Variants in DENND2C observed in about 807,000 individuals in gnomAD.
DENND2C encodes DENN domain-containing protein 2C.
DENND2C carries 72 observed loss-of-function variants against 112.4 expected under a neutral mutation model. That is an observed-to-expected ratio of 0.64 (90% confidence interval 0.53 to 0.78). The LOEUF (loss-of-function observed/expected upper bound fraction) is 0.78, where lower values mean the gene tolerates loss of function less well. DENND2C is among the 30% of genes least tolerant of loss of function. DENND2C has a pLI of 0.00. For missense variants in DENND2C, 992 were observed against 1,113.8 expected, an observed-to-expected ratio of 0.89 and a Z score of 1.56; for synonymous variants, 329 against 381.6, an observed-to-expected ratio of 0.86 and a Z score of 1.61.
chr1:114,601,572 C>T lies in DENND2C; in HGVS notation c.1751G>A (p.Gly584Glu). 3.8e-6 allele frequency: 6 copies of T among 1,594,060 alleles called. No homozygotes were observed. The highest frequency in any genetic ancestry group is 1.1e-5 in the South Asian group (1 of 90,498). ...YCKKLLPVGK[G>E]KRLPEVYCMV... ...GCAGTATACCTCAGGGAGTCGCTTT[C>T]CTTTGCCTACTGGCTAAAAGATAAA... The change falls in exon 13 of 21, where the codon GGA (glycine) becomes GAA (glutamate). Residue 584 changes from glycine to glutamate, a missense_variant. By Grantham distance (98) the Gly-to-Glu change is moderately conservative. Around this residue, in one of 3 missense-constraint regions of DENND2C, gnomAD observed 516 missense variants for 623.6 expected, o/e 0.83. Transcript: ENST00000393274.
At chr1:114,617,015 T>G (rs748424887) in intron 8 of DENND2C, among the ~76,000 whole-genome samples, 1 of 152,116 alleles carries the variant, frequency 6.6e-6, no homozygotes, top group Non-Finnish European at 1.5e-5. Flanking sequence ...CAGAAACCCC[T>G]GATAAACCCA....
At chr1:114,588,842 A>T (rs1022186479) in intron 18 of DENND2C, among the ~76,000 whole-genome samples, 1 of 151,962 alleles carries the variant, frequency 6.6e-6, no homozygotes, top group African/African-American at 2.4e-5. Flanking sequence ...CAATTCTCCC[A>T]CCTCAGCATT....
chr1:114,647,174 AGAG>A (rs1224643561), intron 2 of DENND2C, among the ~76,000 whole-genome samples: 2,091 of 114,964 alleles, frequency 0.018, 41 homozygotes, highest in African/African-American at 0.057. Context: ...AAAAAAAAAG[AGAG>A]AGAGAGAGAG....
At chr1:114,650,670 T>C (rs2101689017) in intron 2 of DENND2C, among the ~76,000 whole-genome samples, 2 of 68,878 alleles carry the variant, frequency 2.9e-5, no homozygotes, top group South Asian at 6.2e-4. Flanking sequence ...CGAGACTCCG[T>C]CTCAAAAAAA....
chr1:114,589,175 C>T (rs774175737), intron 18 of DENND2C, among the ~76,000 whole-genome samples: 4 of 152,086 alleles, frequency 2.6e-5, no homozygotes, highest in Non-Finnish European at 5.9e-5. Flanking sequence ...ACTTCAGATT[C>T]GACTTACACT....
chr1:114,591,881 T>TTTATTATTA (rs568111224), intron 18 of DENND2C, among the ~76,000 whole-genome samples: 8 of 145,590 alleles, frequency 5.5e-5, no homozygotes, highest in African/African-American at 2.0e-4. Context: ...TATTATTATT[T>TTTATTATTA]TTATTATTAT....
At chr1:114,668,606 C>A (rs1490906714) in intron 1 of DENND2C, among the ~76,000 whole-genome samples, 1 of 151,194 alleles carries the variant, frequency 6.6e-6, no homozygotes, top group African/African-American at 2.4e-5. Flanking sequence ...CTGGTTTCTG[C>A]CTGGCAAACT....
chr1:114,617,549 C>T (rs1231140181), intron 8 of DENND2C, among the ~76,000 whole-genome samples: 1 of 152,088 alleles, frequency 6.6e-6, no homozygotes, highest in Non-Finnish European at 1.5e-5. Flanking sequence ...ACCTTGTGAT[C>T]TGCCTGCCTC....
At chr1:114,605,139 T>C in intron 10 of DENND2C, 108 bp from the exon 11 acceptor site, 2 of 700,036 alleles carry the variant, frequency 2.9e-6, no homozygotes, top group Non-Finnish European at 4.7e-6. Context: ...TAAGCCTGAG[T>C]AGTTGCTGAT....
rs369027608 is a variant in DENND2C, at chr1:114,597,215, G to A, written c.2284-1342C>T. 1.1e-3 allele frequency among the ~76,000 whole-genome samples: 162 copies of A among 150,888 alleles called. 1 individual carries two copies. The highest frequency in any genetic ancestry group is 3.6e-3 in the African/African-American group (146 of 41,046). ...TCCCAGCACTTTGGGAGGCTGAGGC[G>A]GGCGGATCACCTGGGATCAGGAGTT... On this transcript the variant is annotated intron_variant, in intron 16 of 20. Coordinates refer to ENST00000393274, the MANE Select transcript of DENND2C (RefSeq NM_001256404.2).
At chr1:114,640,730 T>C (rs1656814369) in intron 3 of DENND2C, among the ~76,000 whole-genome samples, 1 of 152,214 alleles carries the variant, frequency 6.6e-6, no homozygotes. Flanking sequence ...CCGAAGGCTT[T>C]TACACATCAA....
chr1:114,629,427 A>G (rs1470178011), intron 3 of DENND2C, among the ~76,000 whole-genome samples: 3 of 152,212 alleles, frequency 2.0e-5, no homozygotes, highest in Non-Finnish European at 2.9e-5. Flanking sequence ...ACAGGTGCCC[A>G]TCACCACACC....
chr1:114,605,483 A>G (rs370139753), intron 10 of DENND2C, among the ~76,000 whole-genome samples: 2 of 152,340 alleles, frequency 1.3e-5, no homozygotes, highest in South Asian at 4.1e-4. Flanking sequence ...AGAAGCTTTG[A>G]AATGGTAGAT....
intron 2 of DENND2C, among the ~76,000 whole-genome samples, chr1:114,650,380 T>C (rs1657120421): frequency 6.6e-6 from 1 of 151,034 alleles, no homozygotes; most frequent in Non-Finnish European, 1.5e-5. Flanking sequence ...AATTTCAGAC[T>C]ATGGCTGGGT....
chr1:114,628,169 T>C (rs2101669791), intron 3 of DENND2C, among the ~76,000 whole-genome samples: 1 of 151,314 alleles, frequency 6.6e-6, no homozygotes, highest in Non-Finnish European at 1.5e-5. Context: ...TAAATAAAAT[T>C]AGCTGTGCAT....
chr1:114,658,898 G>C (rs1657406474), intron 1 of DENND2C, among the ~76,000 whole-genome samples: 1 of 151,964 alleles, frequency 6.6e-6, no homozygotes, highest in Non-Finnish European at 1.5e-5. Flanking sequence ...TTTAAATGAT[G>C]ATAAGCAATG....
At chr1:114,608,264 A>T (rs222501) in intron 10 of DENND2C, among the ~76,000 whole-genome samples, 1 of 151,438 alleles carries the variant, frequency 6.6e-6, no homozygotes, top group Non-Finnish European at 1.5e-5. Flanking sequence ...GCAAGACTCC[A>T]TCTAAAAAAA....
intron 3 of DENND2C, among the ~76,000 whole-genome samples, chr1:114,626,861 A>G (rs1271608541): frequency 6.6e-6 from 1 of 152,052 alleles, no homozygotes; most frequent in Admixed American, 6.6e-5. Context: ...AGGAGCATAT[A>G]TATACACAGA....
At chr1:114,649,270 T>G (rs1455048999) in intron 2 of DENND2C, among the ~76,000 whole-genome samples, 2 of 152,172 alleles carry the variant, frequency 1.3e-5, no homozygotes, top group Admixed American at 1.3e-4. Context: ...CACTTAATTA[T>G]CCTTTTAAAA....
Sources: gnomAD v4.1 joint callset for allele counts (sites outside exome capture counted in the v4.1 genomes callset) on GRCh38, gnomAD v4.1.1 for gene constraint, gnomAD v4.1.1 regional missense constraint, MANE v1.5 for transcripts, NCBI Gene and HGNC (gene_info 2026-07-23, HGNC 2026-07-21) for gene names.